BAIAP2: variants seen among roughly 807,000 people sequenced by gnomAD.
BAIAP2 encodes BAR/IMD domain containing adaptor protein 2.
BAIAP2 carries 18 observed loss-of-function variants against 63.0 expected under a neutral mutation model. The observed-to-expected ratio is 0.29, with a 90% confidence interval of 0.20 to 0.42. The LOEUF (loss-of-function observed/expected upper bound fraction) is 0.42, where lower values mean the gene tolerates loss of function less well. BAIAP2 is among the 10% of genes least tolerant of loss of function. The probability of loss-of-function intolerance (pLI) is 1.00; values close to 1 mark genes in which losing one functional copy is unlikely to be tolerated. For missense variants in BAIAP2, 610 were observed against 734.3 expected, an observed-to-expected ratio of 0.83 and a Z score of 1.96; for synonymous variants, 386 against 307.6, an observed-to-expected ratio of 1.25 and a Z score of -2.67.
At chr17:81,062,789 T>C (rs1317603206) in intron 3 of BAIAP2, among the ~76,000 whole-genome samples, 1 of 151,796 alleles carries the variant, frequency 6.6e-6, no homozygotes, top group Non-Finnish European at 1.5e-5. Context: ...CTTAGCTGGT[T>C]TGGAGTTTGC....
intron 13 of BAIAP2, chr17:81,109,897 G>A (rs914634678): frequency 7.7e-5 from 76 of 985,356 alleles, no homozygotes; most frequent in African/African-American, 1.6e-4. Context: ...TGTGCGGGCC[G>A]GGCCCGGCTG....
chr17:81,088,665 C>T (rs1051321897), intron 6 of BAIAP2, among the ~76,000 whole-genome samples: 6 of 152,180 alleles, frequency 3.9e-5, no homozygotes, highest in South Asian at 2.1e-4. Flanking sequence ...CTCATCGTGC[C>T]GTAGCCTGCG....
intron 3 of BAIAP2, among the ~76,000 whole-genome samples, chr17:81,079,361 G>T (rs1182138915): frequency 6.6e-6 from 1 of 152,196 alleles, no homozygotes; most frequent in Non-Finnish European, 1.5e-5. Context: ...GAGCTGGTGG[G>T]GTGAGGCCCA....
intron 4 of BAIAP2, 54 bp downstream of exon 4, chr17:81,084,947 C>T (rs1158823393): frequency 2.6e-6 from 4 of 1,566,082 alleles, no homozygotes; most frequent in Non-Finnish European, 2.6e-6. Flanking sequence ...GACGGGAGAG[C>T]TGGCGCCACA....
chr17:81,102,352 C>T (rs1310287418), intron 7 of BAIAP2, among the ~76,000 whole-genome samples: 1 of 152,138 alleles, frequency 6.6e-6, no homozygotes, highest in African/African-American at 2.4e-5. Context: ...TAGTGCTGGT[C>T]CCTGCTGGCC....
At chr17:81,074,684 CTG>C (rs1186059061) in intron 3 of BAIAP2, among the ~76,000 whole-genome samples, 1 of 144,766 alleles carries the variant, frequency 6.9e-6, no homozygotes, top group African/African-American at 2.6e-5. Context: ...GTATGAGTGC[CTG>C]TGTGTGTGCA....
intron 3 of BAIAP2, among the ~76,000 whole-genome samples, chr17:81,065,373 T>C (rs1398882687): frequency 1.3e-5 from 2 of 152,176 alleles, no homozygotes; most frequent in South Asian, 2.1e-4. Flanking sequence ...TGCTAAGATG[T>C]GTGAGTGGCT....
At chr17:81,096,097 C>T (rs1165111818) in intron 6 of BAIAP2, among the ~76,000 whole-genome samples, 1 of 152,156 alleles carries the variant, frequency 6.6e-6, no homozygotes, top group South Asian at 2.1e-4. Context: ...CCTGGGGTGA[C>T]CACTCCAAGC....
At position 81,076,582 on chromosome 17, in the gene BAIAP2, C is replaced by A. The variant is rs755038839; in HGVS notation, c.218-8250C>A. On this transcript the variant is annotated intron_variant, in intron 3 of 13. Transcript: ENST00000428708. ...TCCCCTGAAGCTGCTTCTGAAAGAGCTGTTCTTGCAGCAGCACTGTTACAA... is the reference window on the plus strand; with the variant it reads ...TCCCCTGAAGCTGCTTCTGAAAGAGATGTTCTTGCAGCAGCACTGTTACAA... The A allele has an allele frequency of 1.2e-4, 19 of 152,336 alleles. 1 individual carries two copies. The highest frequency in any genetic ancestry group is 4.1e-4 in the African/African-American group (17 of 41,568). 9.4% of individuals were successfully genotyped at this position (152,336 alleles called of 1,614,324 possible).
At chr17:81,053,365 T>G in intron 1 of BAIAP2, 1 of 357,462 alleles carries the variant, frequency 2.8e-6, no homozygotes, top group East Asian at 6.0e-5. Context: ...GAGCGCCAGT[T>G]GTATTCTGCC....
intron 2 of BAIAP2, among the ~76,000 whole-genome samples, chr17:81,054,473 A>G (rs1247420152): frequency 6.6e-6 from 1 of 152,110 alleles, no homozygotes; most frequent in Non-Finnish European, 1.5e-5. Flanking sequence ...TAGCCCATGC[A>G]TTCTGGACTG....
At chr17:81,062,719 A>C (rs1157714581) in intron 3 of BAIAP2, among the ~76,000 whole-genome samples, 1 of 127,606 alleles carries the variant, frequency 7.8e-6, no homozygotes, top group African/African-American at 3.1e-5. Flanking sequence ...TAGGTTTCTG[A>C]GTGGGTGAAC....
chr17:81,062,303 ACT>A (rs2050692876), intron 3 of BAIAP2, among the ~76,000 whole-genome samples: 3 of 110,944 alleles, frequency 2.7e-5, no homozygotes, highest in Non-Finnish European at 6.0e-5. Flanking sequence ...AGTTCAATGG[ACT>A]GATTTTTTTT....
At chr17:81,113,475 T>G (rs1598864435) in intron 13 of BAIAP2, among the ~76,000 whole-genome samples, 2 of 152,260 alleles carry the variant, frequency 1.3e-5, no homozygotes, top group Middle Eastern at 6.8e-3. Flanking sequence ...CACAGCGAGC[T>G]CCCCGCCGGC....
chr17:81,098,996 C>T (rs937708122), intron 6 of BAIAP2, among the ~76,000 whole-genome samples: 1 of 60,808 alleles, frequency 1.6e-5, no homozygotes, highest in Non-Finnish European at 4.0e-5. Flanking sequence ...ATCCCCCCAT[C>T]CCCCCATCCC....
intron 13 of BAIAP2, chr17:81,109,153 G>C: frequency 6.9e-7 from 1 of 1,439,222 alleles, no homozygotes; most frequent in Non-Finnish European, 9.1e-7. Context: ...CAGACTCTGT[G>C]ATCCCCCAGG....
intron 6 of BAIAP2, among the ~76,000 whole-genome samples, chr17:81,091,523 T>C (rs1220082944): frequency 6.6e-6 from 1 of 152,134 alleles, no homozygotes; most frequent in Non-Finnish European, 1.5e-5. Context: ...CCCCAGCTCT[T>C]CTAGCTGTCT....
chr17:81,055,194 T>A (rs1253935832), intron 2 of BAIAP2, among the ~76,000 whole-genome samples: 1 of 152,180 alleles, frequency 6.6e-6, no homozygotes, highest in Admixed American at 6.5e-5. Flanking sequence ...CAGCCCTCGT[T>A]CCTTTTTTAC....
intron 6 of BAIAP2, among the ~76,000 whole-genome samples, chr17:81,088,553 C>T (rs574290481): frequency 2.0e-5 from 3 of 152,218 alleles, no homozygotes; most frequent in Non-Finnish European, 4.4e-5. Flanking sequence ...CTGCCATTGG[C>T]CTCCGTAGAC....
Sources: gnomAD v4.1 joint callset for allele counts (sites outside exome capture counted in the v4.1 genomes callset) on GRCh38, gnomAD v4.1.1 for gene constraint, MANE v1.5 for transcripts, NCBI Gene and HGNC (gene_info 2026-07-23, HGNC 2026-07-21) for gene names.